MYO1G: variants seen among roughly 807,000 people sequenced by gnomAD.
The protein encoded by MYO1G is myosin IG, also known as unconventional myosin-Ig.
Under a neutral mutation model 115.3 loss-of-function variants are expected in MYO1G, and 65 were observed. That is an observed-to-expected ratio of 0.56 (90% CI 0.46 to 0.69). The LOEUF is 0.69. MYO1G is among the 30% of genes least tolerant of loss of function. MYO1G has a pLI of 0.00. For missense variants in MYO1G, 1,204 were observed against 1,393.5 expected, an observed-to-expected ratio of 0.86 and a Z score of 2.16; for synonymous variants, 510 against 552.6, an observed-to-expected ratio of 0.92 and a Z score of 1.08.
chr7:44,975,043 T>C (rs994046913), intron 5 of MYO1G, 131 bp downstream of exon 5: 8 of 913,330 alleles, frequency 8.8e-6, no homozygotes, highest in Non-Finnish European at 1.4e-5. Context: ...GTGAGGACGA[T>C]GGGCTAGGTG....
Position 44,967,666 on chromosome 7 carries a change from AG to A in MYO1G, c.1720del (p.Leu574Ter). 1.9e-6 allele frequency: 3 copies of A among 1,613,802 alleles called. No individual in the cohort carries two copies. The highest frequency in any genetic ancestry group is 2.5e-6 in the Non-Finnish European group (3 of 1,180,006). ...QDITEVTKRPLTAGTLFKNSM... is the reference protein window; with the variant it reads ...QDITEVTKRPXTAGTLFKNSM... ...GTTCTTGAAGAGTGTGCCAGCCGTC[AG>A]GGGGCGCTTGGTCACCTCTGTGATG... On this transcript the variant is annotated frameshift_variant, in exon 14 of 22. Coordinates refer to ENST00000258787, the MANE Select transcript of MYO1G (RefSeq NM_033054.3). LOFTEE classifies it high-confidence loss of function.
rs567771272 is a variant in MYO1G at position 44,977,141 on chromosome 7, C to T, written c.96-70G>A. 356 of 1,470,808 alleles carry T rather than the reference C, an allele frequency of 2.4e-4. 1 individual carries two copies. The highest frequency in any genetic ancestry group is 1.3e-3 in the South Asian group (107 of 81,380). The allele number at this position is 1,470,808 out of a possible 1,614,324, so 91.1% of individuals were successfully genotyped here. A position where few individuals can be genotyped will look rare whatever the true frequency, so the allele number is the denominator to read the frequency against. Reference sequence around the variant, plus strand: ...CACCCACAGGCCTTTCGCCAGAGCCCATATCAGGGCCTGGCCCCAGTAGGC... The same window carrying T: ...CACCCACAGGCCTTTCGCCAGAGCCTATATCAGGGCCTGGCCCCAGTAGGC... On this transcript the variant is annotated intron_variant, in intron 1 of 21. Transcript: ENST00000258787.
chr7:44,978,915 A>T lies in MYO1G; in HGVS notation c.47T>A (p.Leu16His), dbSNP rs1277428289. ...GTCCTCCATGGTCACTTGGTCCAAA[A>T]GCACAAAGTCAGGTTTGCCATACTC... ...GPEYGKPDFV[L>H]LDQVTMEDFM... Residue 16 changes from leucine to histidine, a missense_variant, in exon 1 of 22, where the codon CTT becomes CAT. Leu to His is a moderately conservative substitution (Grantham distance 99). Transcript: ENST00000258787. The T allele has an allele frequency of 1.9e-6, 3 of 1,614,080 alleles. No individual in the cohort carries two copies. The highest frequency in any genetic ancestry group is 2.7e-5 in the African/African-American group (2 of 74,944).
chr7:44,974,994 T>G, intron 5 of MYO1G, 180 bp downstream of exon 5: 1 of 689,808 alleles, frequency 1.4e-6, no homozygotes, highest in Non-Finnish European at 2.6e-6. Flanking sequence ...CTCTTGTTTG[T>G]GGGGTGTGGG....
chr7:44,967,474 G>T (rs1247646549), intron 14 of MYO1G, 131 bp downstream of exon 14: 9 of 1,229,298 alleles, frequency 7.3e-6, no homozygotes, highest in Non-Finnish European at 1.0e-5. Context: ...AGCAGATGTG[G>T]CTCATACAGA....
intron 7 of MYO1G, 36 bp from the exon 8 acceptor site, chr7:44,971,095 A>G (rs1794950609): frequency 3.2e-6 from 5 of 1,567,108 alleles, no homozygotes; most frequent in African/African-American, 1.4e-5. Context: ...TCCGGGCTCC[A>G]TGTCTCAAAA....
At chr7:44,970,210 A>G in intron 9 of MYO1G, 56 bp from the exon 10 acceptor site, 1 of 1,204,920 alleles carries the variant, frequency 8.3e-7, no homozygotes, top group East Asian at 2.4e-5. Flanking sequence ...AGTGCATGGT[A>G]ATGGGTGGCT....
chr7:44,965,888 G>T, intron 16 of MYO1G, 28 bp from the exon 17 acceptor site: 1 of 1,591,804 alleles, frequency 6.3e-7, no homozygotes, highest in Non-Finnish European at 8.5e-7. Flanking sequence ...GATGGGATAC[G>T]CAGTCAAATT....
Position 44,966,651 on chromosome 7 carries a change from A to T in MYO1G, c.1949+21T>A, listed in dbSNP as rs1478237331. The stretch of plus-strand genomic sequence containing the variant: ...CACAGGGACTATGGCCCATGGAGTG[A>T]TGGGTGTCAGGTGCCAGTACCTGAG... On this transcript the variant is annotated intron_variant, in intron 15 of 21. Coordinates refer to ENST00000258787, the MANE Select transcript of MYO1G (RefSeq NM_033054.3). This position sits in a 1 kb window ranked among gnomAD's most constrained non-coding sequence, Gnocchi z 5.0. The T allele has an allele frequency of 6.2e-6, 10 of 1,612,654 alleles. No individual in the cohort carries two copies. Among genetic ancestry groups the T allele is most frequent in the Non-Finnish European group, 8.5e-6 (10 of 1,179,916 alleles).
rs1342970489 is a variant in MYO1G at position 44,964,589 on chromosome 7, GC to G, written c.2527-71del. 1 of 1,228,094 alleles carries G rather than the reference GC, an allele frequency of 8.1e-7. No individual in the cohort carries two copies. The highest frequency in any genetic ancestry group is 1.2e-6 in the Non-Finnish European group (1 of 834,702). The allele number at this position is 1,228,094 out of a possible 1,614,324, so 76.1% of individuals were successfully genotyped here. A position where few individuals can be genotyped will look rare whatever the true frequency, so the allele number is the denominator to read the frequency against. On this transcript the variant is annotated intron_variant, in intron 18 of 21. Coordinates refer to ENST00000258787, the MANE Select transcript of MYO1G (RefSeq NM_033054.3). The surrounding 1 kb of genome is among the most constrained non-coding windows in gnomAD (Gnocchi z 5.1). ...ATGGGACCAGACTCAATTGATAGCA[GC>G]TGTCTGTGAATCAGCATAGCTATCC...
At position 44,975,593 on chromosome 7, in the gene MYO1G, C is replaced by T. The variant is rs138665059; in HGVS notation, c.455G>A (p.Arg152His). The change falls in exon 4 of 22, where the codon CGC (arginine) becomes CAC (histidine). Residue 152 changes from arginine (R) to histidine (H), a missense_variant. Coordinates refer to ENST00000258787, the MANE Select transcript of MYO1G (RefSeq NM_033054.3). ...TCVLEAFGNA[R>H]TNRNHNSSRF... ...GCTGGAGTTGTGATTGCGGTTGGTG[C>T]GGGCATTGCCAAAGGCCTCCAGCAC... The T allele has an allele frequency of 2.3e-5, 37 of 1,613,860 alleles. No individual in the cohort carries two copies. Among genetic ancestry groups the T allele is most frequent in the East Asian group, 2.2e-4 (10 of 44,880 alleles).
In MYO1G at chr7:44,970,664, G is replaced by A; in HGVS notation, c.1145C>T (p.Pro382Leu). The change falls in exon 9 of 22, where the codon CCT (proline) becomes CTT (leucine). Residue 382 changes from proline (P) to leucine (L), a missense_variant. Coordinates refer to ENST00000258787, the MANE Select transcript of MYO1G (RefSeq NM_033054.3). ...NSVMEPRGRD[P>L]RRDGKDTVIG... ...GACTGTGTCCTTGCCATCACGCCGA[G>A]GATCCCGGCCCCGGGGTTCCATGAC... 1 of 1,613,974 alleles carries A rather than the reference G, an allele frequency of 6.2e-7. No individual in the cohort carries two copies. Among genetic ancestry groups the A allele is most frequent in the Non-Finnish European group, 8.5e-7 (1 of 1,180,040 alleles).
chr7:44,962,743 C>T lies in MYO1G; in HGVS notation c.3053G>A (p.Arg1018His). The T allele has an allele frequency of 1.4e-6, 2 of 1,458,890 alleles. No homozygotes were observed. Among genetic ancestry groups the T allele is most frequent in the Non-Finnish European group, 9.0e-7 (1 of 1,115,604 alleles). The allele number at this position is 1,458,890 out of a possible 1,614,324, so 90.4% of individuals were successfully genotyped here. The stretch of plus-strand genomic sequence containing the variant: ...GGGTGCGGCGGGTGCGGGCGCTCAG[C>T]GGCTGGGCCAGAGCAGGGTGAAGGA... ...RGSFTLLWPSR is the reference protein window; with the variant it reads ...RGSFTLLWPSH The change falls in exon 22 of 22, where the codon CGC becomes CAC. Residue 1018 changes from arginine (R) to histidine (H), a missense_variant. Coordinates refer to ENST00000258787, the MANE Select transcript of MYO1G (RefSeq NM_033054.3). The surrounding 1 kb of genome is among the most constrained non-coding windows in gnomAD (Gnocchi z 5.3).
Position 44,975,495 on chromosome 7 carries a change from G to C in MYO1G, c.553C>G (p.Leu185Val). Residue 185 changes from leucine to valine, a missense_variant, in exon 4 of 22, where the codon CTA becomes GTA. Physicochemically the swap from Leu to Val is conservative, Grantham distance 32 (BLOSUM62 1). Coordinates refer to ENST00000258787, the MANE Select transcript of MYO1G (RefSeq NM_033054.3). The part of the protein sequence containing the change: ...DPIGGHIHSY[L>V]LEKSRVLKQH... ...GCCCACCTGCCCACCTTCTCCAGTA[G>C]GTAGCTGTGGATGTGTCCTCCGATC... 4 of 1,610,486 alleles carry C rather than the reference G, an allele frequency of 2.5e-6. No individual in the cohort carries two copies. The highest frequency in any genetic ancestry group is 3.4e-6 in the Non-Finnish European group (4 of 1,177,580).
At chr7:44,976,797 A>T (rs768266649) in intron 2 of MYO1G, 66 bp downstream of exon 2, 2 of 1,588,800 alleles carry the variant, frequency 1.3e-6, no homozygotes, top group Non-Finnish European at 1.7e-6. Context: ...AGATGCTCTA[A>T]TGGCCCTCCC....
chr7:44,972,112 C>T lies in MYO1G; in HGVS notation c.729+3G>A. On this transcript the variant is annotated splice_donor_region_variant and intron_variant, in intron 6 of 21. Transcript: ENST00000258787. ...TTGAGCCCTTGGTGCCCCTCACACT[C>T]ACACTGTGCACAGTCATGTTGAGTC... 1 of 1,611,822 alleles carries T rather than the reference C, an allele frequency of 6.2e-7. No individual in the cohort carries two copies. The highest frequency in any genetic ancestry group is 8.5e-7 in the Non-Finnish European group (1 of 1,177,974).
At position 44,966,014 on chromosome 7, in the gene MYO1G, CT is replaced by C; in HGVS notation, c.2157+58del. ...AAACTTACAAGTGTGTTTGTGGCCC[CT>C]GGGACACAAGCTTTCCCCACCTCCA... On this transcript the variant is annotated intron_variant, in intron 16 of 21. Coordinates refer to ENST00000258787, the MANE Select transcript of MYO1G (RefSeq NM_033054.3). This position sits in a 1 kb window ranked among gnomAD's most constrained non-coding sequence, Gnocchi z 5.0. 1 of 1,585,784 alleles carries C rather than the reference CT, an allele frequency of 6.3e-7. No individual in the cohort carries two copies. The highest frequency in any genetic ancestry group is 8.6e-7 in the Non-Finnish European group (1 of 1,165,630).
chr7:44,964,036 C>A lies in MYO1G; in HGVS notation c.2745+13G>T. The A allele has an allele frequency of 1.9e-6, 3 of 1,565,064 alleles. No individual in the cohort carries two copies. Among genetic ancestry groups the A allele is most frequent in the Non-Finnish European group, 2.6e-6 (3 of 1,153,550 alleles). ...ACAGATGCTGCACCCTACTCCCCAC[C>A]CACATTGCTCACCGCCTCAAGGGGC... is the stretch of plus-strand genomic sequence containing the variant. On this transcript the variant is annotated intron_variant, in intron 20 of 21. Coordinates refer to ENST00000258787, the MANE Select transcript of MYO1G (RefSeq NM_033054.3). This position sits in a 1 kb window ranked among gnomAD's most constrained non-coding sequence, Gnocchi z 5.1.
At chr7:44,971,640 A>T (rs1424839680) in intron 7 of MYO1G, 33 bp downstream of exon 7, 1 of 1,488,512 alleles carries the variant, frequency 6.7e-7, no homozygotes, top group East Asian at 2.4e-5. Context: ...CTTGTGGGGA[A>T]GTAGCCCTCC....
Sources: gnomAD v4.1 joint callset for allele counts on GRCh38, gnomAD v4.1.1 for gene constraint, Gnocchi (gnomAD v3.1) non-coding constraint, MANE v1.5 for transcripts, NCBI Gene and HGNC (gene_info 2026-07-23, HGNC 2026-07-21) for gene names.